ADD1: variants seen among roughly 807,000 people sequenced by gnomAD.
The protein encoded by ADD1 is alpha-adducin.
In ADD1, 24 loss-of-function variants were observed where a neutral mutation model predicts 80.5. The ratio of observed to expected loss-of-function variants is 0.30; its 90% CI spans 0.22 to 0.42. The LOEUF is 0.42. Ranked by LOEUF, ADD1 falls within the 10% of genes least tolerant of loss-of-function variation. The pLI, the probability that ADD1 is intolerant of heterozygous loss-of-function variation, is 1.00. For synonymous variants in ADD1, 373 were observed against 393.8 expected, an observed-to-expected ratio of 0.95 and a Z score of 0.63; for missense variants, 948 against 1,019.0, an observed-to-expected ratio of 0.93 and a Z score of 0.95.
In ADD1 at chr4:2,876,197, A is replaced by G. The variant is rs140462302; in HGVS notation, c.195+87A>G. Reference sequence around the variant, plus strand: ...TTATGCCCTGTTGTATGAGTGGCATAGTTCATTGATCTTATCACAGGAAAT... The same window carrying G: ...TTATGCCCTGTTGTATGAGTGGCATGGTTCATTGATCTTATCACAGGAAAT... On this transcript the variant is annotated intron_variant, in intron 2 of 15. Transcript: ENST00000683351. 9.3e-3 allele frequency: 12,152 copies of G among 1,310,176 alleles called. 76 individuals are homozygous for G. Among genetic ancestry groups the G allele is most frequent in the Admixed American group, 0.026 (1,026 of 39,690 alleles). The allele number at this position is 1,310,176 out of a possible 1,614,324, so 81.2% of individuals were successfully genotyped here.
intron 13 of ADD1, 184 bp from the exon 14 acceptor site, chr4:2,914,700 G>A (rs1738681584): frequency 1.7e-6 from 1 of 600,210 alleles, no homozygotes; most frequent in Non-Finnish European, 2.9e-6. Flanking sequence ...ACTGACCTGT[G>A]TTTCCATTAT....
intron 1 of ADD1, among the ~76,000 whole-genome samples, chr4:2,860,802 A>G (rs1728724366): frequency 6.6e-6 from 1 of 152,214 alleles, no homozygotes; most frequent in Non-Finnish European, 1.5e-5. Context: ...CATATTTCAA[A>G]TGTGGAAACT....
intron 4 of ADD1, among the ~76,000 whole-genome samples, chr4:2,891,445 C>CA (rs1347829085): frequency 6.9e-6 from 1 of 144,654 alleles, no homozygotes; most frequent in African/African-American, 2.6e-5. Context: ...AGCTTTGTCT[C>CA]AAAAAAAGAA....
At chr4:2,868,295 C>T (rs1468489954) in intron 1 of ADD1, among the ~76,000 whole-genome samples, 1 of 152,154 alleles carries the variant, frequency 6.6e-6, no homozygotes, top group East Asian at 1.9e-4. Context: ...GCTGGTGCTG[C>T]AGCCTTCCAG....
At chr4:2,893,297 C>T (rs539658099) in intron 4 of ADD1, among the ~76,000 whole-genome samples, 1 of 150,594 alleles carries the variant, frequency 6.6e-6, no homozygotes, top group Non-Finnish European at 1.5e-5. Flanking sequence ...AAAAAAAGGA[C>T]ATTCTGTTTG....
intron 1 of ADD1, among the ~76,000 whole-genome samples, chr4:2,852,135 C>CTCTTT (rs1727185083): frequency 7.5e-6 from 1 of 132,886 alleles, no homozygotes; most frequent in South Asian, 2.6e-4. Context: ...AGCACCCGGC[C>CTCTTT]TCTTTTCTTT....
intron 13 of ADD1, among the ~76,000 whole-genome samples, chr4:2,911,501 T>C (rs991034263): frequency 1.3e-5 from 2 of 150,468 alleles, no homozygotes; most frequent in African/African-American, 4.9e-5. Context: ...GGCTGGAGTG[T>C]GGTCGGGCTG....
intron 1 of ADD1, among the ~76,000 whole-genome samples, chr4:2,846,583 G>A (rs541537845): frequency 1.3e-5 from 2 of 152,124 alleles, no homozygotes; most frequent in South Asian, 4.2e-4. Context: ...TTATCTTGAG[G>A]TATCTCTTAC....
chr4:2,890,717 A>G (rs1012568565), intron 4 of ADD1, among the ~76,000 whole-genome samples: 5 of 152,060 alleles, frequency 3.3e-5, no homozygotes, highest in Non-Finnish European at 7.4e-5. Context: ...CACTAGAATT[A>G]TTGTATTTCT....
chr4:2,899,777 G>A (rs545065716), intron 9 of ADD1: 5 of 368,762 alleles, frequency 1.4e-5, no homozygotes, highest in Admixed American at 3.9e-5. Flanking sequence ...TTTTGAAATC[G>A]GTCAGTCAGG....
intron 6 of ADD1, among the ~76,000 whole-genome samples, chr4:2,897,759 G>C (rs1735504938): frequency 6.6e-6 from 1 of 152,022 alleles, no homozygotes; most frequent in African/African-American, 2.4e-5. Flanking sequence ...CCAGGCTCAA[G>C]TGATCCACCT....
intron 1 of ADD1, among the ~76,000 whole-genome samples, chr4:2,850,111 G>C (rs1042413392): frequency 1.3e-5 from 2 of 152,178 alleles, no homozygotes; most frequent in Non-Finnish European, 2.9e-5. Flanking sequence ...CTGTTCATAC[G>C]ATGGAATAGT....
rs781377661 is a variant in ADD1, at chr4:2,894,731, G to A, written c.741G>A (p.Ala247=). ...ACATTCACACCCCAGCAGGGGCTGC[G>A]GTGAGTGGCTGCCCTGGTAGCATCT... The part of the protein sequence containing the change: ...VVHIHTPAGA[A]VSAMKCGLLP... Residue 247 remains alanine (A), a splice_region_variant and synonymous_variant, in exon 6 of 16, where the codon GCG becomes GCA. Coordinates refer to ENST00000683351, the MANE Select transcript of ADD1 (RefSeq NM_001354761.2). The A allele has an allele frequency of 2.5e-6, 4 of 1,595,660 alleles. No individual in the cohort carries two copies. The highest frequency in any genetic ancestry group is 1.4e-5 in the African/African-American group (1 of 73,414).
At position 2,904,973 on chromosome 4, in the gene ADD1, C is replaced by T. The variant is rs752567249; in HGVS notation, c.1371C>T (p.Ser457=). The change falls in exon 10 of 16, where the codon TCC becomes TCT. Residue 457 remains serine, a synonymous_variant. Coordinates refer to ENST00000683351, the MANE Select transcript of ADD1 (RefSeq NM_001354761.2). ...WLNSGRGDEA[S]EEGQNGSSPK... ...ACTCTGGCCGGGGCGACGAAGCTTC[C>T]GAGGAAGGGCAGAATGGAAGCAGTC... The T allele has an allele frequency of 8.7e-6, 14 of 1,614,008 alleles. No homozygotes were observed. The highest frequency in any genetic ancestry group is 5.0e-5 in the Admixed American group (3 of 59,984).
intron 12 of ADD1, chr4:2,909,048 ACT>A: frequency 2.0e-6 from 1 of 492,502 alleles, no homozygotes; most frequent in Non-Finnish European, 3.7e-6. Flanking sequence ...CTACAAAATG[ACT>A]CTACCTTGTG....
At chr4:2,904,625 TA>T in intron 9 of ADD1, 138 bp from the exon 10 acceptor site, 1 of 764,390 alleles carries the variant, frequency 1.3e-6, no homozygotes, top group South Asian at 1.8e-5. Context: ...CTGTGGGGTG[TA>T]AAATTAGGAG....
At chr4:2,921,436 TTTTC>T (rs1740025879) in intron 14 of ADD1, among the ~76,000 whole-genome samples, 1 of 152,204 alleles carries the variant, frequency 6.6e-6, no homozygotes, top group Non-Finnish European at 1.5e-5. Context: ...CCGAAAATTC[TTTTC>T]TTTAAGAATG....
At chr4:2,894,508 C>CAAAAAAAA (rs898922221) in intron 5 of ADD1, 74 bp from the exon 6 acceptor site, 12 of 1,092,022 alleles carry the variant, frequency 1.1e-5, no homozygotes, top group Admixed American at 3.8e-5. Flanking sequence ...CAGACCCTAT[C>CAAAAAAAA]AAAAAAAAAA....
chr4:2,922,061 C>T (rs1577734236), intron 14 of ADD1, among the ~76,000 whole-genome samples: 1 of 151,952 alleles, frequency 6.6e-6, no homozygotes, highest in East Asian at 1.9e-4. Flanking sequence ...TTCTTAGCCT[C>T]CTTGCATTGG....
Sources: allele counts gnomAD v4.1 joint callset (sites outside exome capture counted in the v4.1 genomes callset), GRCh38; gene constraint gnomAD v4.1.1; transcripts MANE v1.5; gene names NCBI Gene and HGNC (gene_info 2026-07-23, HGNC 2026-07-21).